Variants in SETD2 observed in about 807,000 individuals in gnomAD.
SETD2 encodes the protein SET domain containing 2, histone lysine methyltransferase.
A neutral mutation model predicts 242.1 loss-of-function variants in SETD2; 31 were observed. The ratio of observed to expected loss-of-function variants is 0.13; its 90% CI spans 0.10 to 0.17. The LOEUF is 0.17. Ranked by LOEUF, SETD2 falls within the 10% of genes least tolerant of loss-of-function variation. SETD2 has a pLI of 1.00. For synonymous variants in SETD2, 1,006 were observed against 1,066.5 expected (o/e 0.94, Z 1.11); for missense variants, 2,481 against 3,046.3 (o/e 0.81, Z 4.37).
intron 1 of SETD2, among the ~76,000 whole-genome samples, chr3:47,158,952 C>T (rs1472457510): frequency 6.6e-6 from 1 of 152,188 alleles, no homozygotes; most frequent in African/African-American, 2.4e-5. Flanking sequence ...TCAAACTGCA[C>T]ACTAAAACAG....
At chr3:47,086,632 T>A (rs1270566351) in intron 10 of SETD2, among the ~76,000 whole-genome samples, 1 of 152,120 alleles carries the variant, frequency 6.6e-6, no homozygotes, top group Non-Finnish European at 1.5e-5. Flanking sequence ...ATCTAACTTT[T>A]TAAATAAAGC....
chr3:47,116,530 G>A (rs1036940800), intron 4 of SETD2, 93 bp downstream of exon 4: 1 of 1,330,988 alleles, frequency 7.5e-7, no homozygotes, highest in African/African-American at 1.5e-5. Context: ...ATAGGTAGGA[G>A]AAAGGTTAAA....
intron 5 of SETD2, among the ~76,000 whole-genome samples, chr3:47,111,154 A>G (rs922942856): frequency 1.3e-5 from 2 of 150,012 alleles, no homozygotes; most frequent in African/African-American, 4.9e-5. Context: ...GAAAGAAGGC[A>G]TCTTTGAAAA....
intron 18 of SETD2, among the ~76,000 whole-genome samples, chr3:47,020,249 A>C (rs1575646296): frequency 6.6e-6 from 1 of 151,962 alleles, no homozygotes; most frequent in East Asian, 1.9e-4. Context: ...TGTTCTGAAG[A>C]CTCTTGAATA....
rs766558333 is a variant in SETD2 at position 47,121,813 on chromosome 3, C to T, written c.2823G>A (p.Lys941=). 6.2e-7 allele frequency: 1 copy of T among 1,614,152 alleles called. No individual in the cohort carries two copies. The highest frequency in any genetic ancestry group is 1.1e-5 in the South Asian group (1 of 91,084). The part of the protein sequence containing the change: ...EVGSDLPDSG[K]GFASRENRRN... ...GCCTGTTCTCCCTGGAAGCAAATCC[C>T]TTTCCTGAATCAGGAAGGTCACTAC... The change falls in exon 3 of 21, where the codon AAG becomes AAA. Residue 941 remains lysine, a synonymous_variant. Transcript: ENST00000409792.
chr3:47,154,428 AAGATAAGCATATCTTAT>A (rs887651661), intron 1 of SETD2, among the ~76,000 whole-genome samples: 5 of 152,110 alleles, frequency 3.3e-5, no homozygotes, highest in African/African-American at 1.2e-4. Context: ...GAAAGAAAGA[AAGATAAGCATATCTTAT>A]ATGTAAATGG....
intron 5 of SETD2, among the ~76,000 whole-genome samples, chr3:47,109,199 A>G (rs986248795): frequency 6.6e-6 from 1 of 152,200 alleles, no homozygotes; most frequent in African/African-American, 2.4e-5. Context: ...GCTTCATCAA[A>G]AAAAGACTGA....
intron 15 of SETD2, 44 bp downstream of exon 15, chr3:47,056,777 G>T: frequency 6.6e-7 from 1 of 1,517,168 alleles, no homozygotes; most frequent in Non-Finnish European, 9.1e-7. Flanking sequence ...AACATCCCAT[G>T]AACAGACCAT....
chr3:47,121,689 C>G lies in SETD2; in HGVS notation c.2947G>C (p.Glu983Gln), dbSNP rs2043096633. The change falls in exon 3 of 21, where the codon GAA becomes CAA. Residue 983 changes from glutamate (E) to glutamine (Q), a missense_variant. This residue lies in a region of SETD2 where 1,300 missense variants were observed against 1,259.2 expected (regional missense o/e 1.03). Coordinates refer to ENST00000409792, the MANE Select transcript of SETD2 (RefSeq NM_014159.7). ...RRGRPEISLDERGEGGHVHTS... is the reference protein window; with the variant it reads ...RRGRPEISLDQRGEGGHVHTS... ...TGCACATGTCCTCCTTCTCCTCTTT[C>G]ATCTAAAGAGATTTCTGGTCTTCCT... The G allele has an allele frequency of 6.2e-7, 1 of 1,613,698 alleles. No individual in the cohort carries two copies. Among genetic ancestry groups the G allele is most frequent in the African/African-American group, 1.3e-5 (1 of 75,034 alleles).
At chr3:47,079,023 T>TA (rs35692837) in intron 12 of SETD2, among the ~76,000 whole-genome samples, 1,646 of 151,782 alleles carry the variant, frequency 0.011, 36 homozygotes, top group African/African-American at 0.038. Flanking sequence ...CAGAAAACAA[T>TA]AAAAAAAATA....
intron 1 of SETD2, among the ~76,000 whole-genome samples, chr3:47,132,024 C>A (rs1221548616): frequency 6.6e-6 from 1 of 152,028 alleles, no homozygotes; most frequent in Non-Finnish European, 1.5e-5. Flanking sequence ...GATCTGCCCA[C>A]CTCAGCCTCC....
chr3:47,121,454 A>G lies in SETD2; in HGVS notation c.3182T>C (p.Ile1061Thr). Residue 1061 changes from isoleucine to threonine, a missense_variant, in exon 3 of 21, where the codon ATT (isoleucine) becomes ACT (threonine). Ile to Thr is a moderately conservative substitution (Grantham distance 89). Coordinates refer to ENST00000409792, the MANE Select transcript of SETD2 (RefSeq NM_014159.7). ...SEDTDSDDSSIPRNRLQSVVV... is the reference protein window; with the variant it reads ...SEDTDSDDSSTPRNRLQSVVV... ...AACAGACTGGAGACGGTTTCTTGGA[A>G]TACTGCTATCATCCGAATCTGTATC... 6.2e-7 allele frequency: 1 copy of G among 1,613,146 alleles called. No homozygotes were observed. Among genetic ancestry groups the G allele is most frequent in the Non-Finnish European group, 8.5e-7 (1 of 1,180,016 alleles).
chr3:47,056,921 G>A lies in SETD2; in HGVS notation c.6863C>T (p.Pro2288Leu). 1 of 1,614,206 alleles carries A rather than the reference G, an allele frequency of 6.2e-7. No homozygotes were observed. Among genetic ancestry groups the A allele is most frequent in the Non-Finnish European group, 8.5e-7 (1 of 1,179,984 alleles). ...QSVSVQQQYS[P>L]AQSQATIYYQ... ...ATATATGGTTGCTTGAGACTGTGCA[G>A]GAGAGTACTGCTGCTGTACACTGAC... Residue 2288 changes from proline to leucine, a missense_variant, in exon 15 of 21, where the codon CCT (proline) becomes CTT (leucine). This residue lies in a region of SETD2 where 235 missense variants were observed against 293.9 expected (regional missense o/e 0.80). Coordinates refer to ENST00000409792, the MANE Select transcript of SETD2 (RefSeq NM_014159.7).
intron 12 of SETD2, among the ~76,000 whole-genome samples, chr3:47,078,715 A>T (rs2041202476): frequency 6.6e-6 from 1 of 151,772 alleles, no homozygotes; most frequent in Non-Finnish European, 1.5e-5. Flanking sequence ...TCATATCTAT[A>T]ACTTAGTTGT....
rs759642122 is a variant in SETD2 at position 47,121,924 on chromosome 3, T to C, written c.2712A>G (p.Thr904=). 11 of 1,613,894 alleles carry C rather than the reference T, an allele frequency of 6.8e-6. No homozygotes were observed. In the Admixed American group the frequency reaches 8.3e-5, roughly 12 times the overall value. Residue 904 remains threonine, a synonymous_variant, in exon 3 of 21, where the codon ACA becomes ACG. Transcript: ENST00000409792. ...SLTLLKCGEN[T]SPVLDAVLKS... is the part of the protein sequence containing the mutation. Reference sequence around the variant, plus strand: ...TTAGCACTGCATCCAGAACTGGAGATGTGTTCTCTCCGCATTTCAAGAGAG... The same window carrying C: ...TTAGCACTGCATCCAGAACTGGAGACGTGTTCTCTCCGCATTTCAAGAGAG...
At chr3:47,050,723 C>CCTTTTTTTTTT (rs1483439791) in intron 15 of SETD2, among the ~76,000 whole-genome samples, 33 of 66,882 alleles carry the variant, frequency 4.9e-4, no homozygotes, top group Non-Finnish European at 7.3e-4. Context: ...TTTCCTCTCT[C>CCTTTTTTTTTT]TTTTTTTTTT....
intron 1 of SETD2, among the ~76,000 whole-genome samples, chr3:47,154,762 G>A (rs1380623642): frequency 2.0e-5 from 3 of 152,178 alleles, no homozygotes; most frequent in African/African-American, 7.2e-5. Flanking sequence ...GGGAGGCTGA[G>A]ACGGACGGAT....
rs766500463 is a variant in SETD2, at chr3:47,116,773, T to C, written c.4455-19A>G. On this transcript the variant is annotated intron_variant, in intron 3 of 20. Transcript: ENST00000409792. The stretch of plus-strand genomic sequence containing the variant: ...CTTCTTTCTATTGGGTAAAATTTCA[T>C]AAAAACTGATTAAATAAATTTCCTG... 2 of 1,512,502 alleles carry C rather than the reference T, an allele frequency of 1.3e-6. No homozygotes were observed. Among genetic ancestry groups the C allele is most frequent in the Non-Finnish European group, 1.8e-6 (2 of 1,097,636 alleles). 93.7% of individuals were successfully genotyped at this position (1,512,502 alleles called of 1,614,324 possible).
At chr3:47,023,759 A>T (rs557741374) in intron 18 of SETD2, among the ~76,000 whole-genome samples, 1 of 152,338 alleles carries the variant, frequency 6.6e-6, no homozygotes, top group Admixed American at 6.5e-5. Context: ...TGTATTGGGT[A>T]TTATACGCAA....
Sources: gnomAD v4.1 joint callset for allele counts (sites outside exome capture counted in the v4.1 genomes callset) on GRCh38, gnomAD v4.1.1 for gene constraint, gnomAD v4.1.1 regional missense constraint, MANE v1.5 for transcripts, NCBI Gene and HGNC (gene_info 2026-07-23, HGNC 2026-07-21) for gene names.